Variants in HYDIN observed in about 807,000 individuals in gnomAD.
HYDIN encodes HYDIN axonemal central pair apparatus protein, also known as axonemal central pair apparatus protein HYDIN.
In HYDIN, 132 loss-of-function variants were observed where a neutral mutation model predicts 403.9. That is an observed-to-expected ratio of 0.33 (90% CI 0.28 to 0.38). HYDIN has a LOEUF of 0.38. HYDIN is among the 10% of genes least tolerant of loss of function. The pLI is 1.00. For synonymous variants in HYDIN, 1,202 were observed against 1,891.7 expected, an observed-to-expected ratio of 0.64 and a Z score of 9.46; for missense variants, 2,827 against 5,009.5, an observed-to-expected ratio of 0.56 and a Z score of 13.15.
At chr16:70,983,695 G>C (rs996278017) in intron 28 of HYDIN, among the ~76,000 whole-genome samples, 9 of 138,214 alleles carry the variant, frequency 6.5e-5, no homozygotes, top group Non-Finnish European at 1.2e-4. Context: ...CACTAAGTAG[G>C]AATTTAGAGG....
At chr16:71,110,545 C>T (rs1597800511) in intron 10 of HYDIN, among the ~76,000 whole-genome samples, 2 of 146,010 alleles carry the variant, frequency 1.4e-5, no homozygotes, top group South Asian at 2.1e-4. Flanking sequence ...CAAAACTATA[C>T]TATTTTGCTT....
At chr16:70,954,426 T>C (rs973895493) in intron 40 of HYDIN, among the ~76,000 whole-genome samples, 1 of 136,586 alleles carries the variant, frequency 7.3e-6, no homozygotes, top group Non-Finnish European at 1.6e-5. Flanking sequence ...GTACTCCAGC[T>C]TGGGTGACAG....
At chr16:70,825,281 C>T (rs1597051407) in intron 83 of HYDIN, among the ~76,000 whole-genome samples, 1 of 151,820 alleles carries the variant, frequency 6.6e-6, no homozygotes, top group African/African-American at 2.4e-5. Flanking sequence ...TCTTTCATCC[C>T]GGTTTTCTGA....
intron 1 of HYDIN, among the ~76,000 whole-genome samples, chr16:71,196,017 T>C (rs1161501802): frequency 6.6e-6 from 1 of 152,146 alleles, no homozygotes. Context: ...CAGAGAAAGG[T>C]ATGGTTGCAA....
In HYDIN at chr16:70,818,708, G is replaced by A. The variant is rs571161191; in HGVS notation, c.14428-136C>T. 207 of 571,760 alleles carry A rather than the reference G, an allele frequency of 3.6e-4. 1 individual carries two copies. In the African/African-American group the frequency reaches 3.7e-3, roughly 10 times the overall value. 35.4% of individuals were successfully genotyped at this position (571,760 alleles called of 1,614,324 possible). A position where few individuals can be genotyped will look rare whatever the true frequency, so the allele number is the denominator to read the frequency against. ...AGCACAGGTACCAGGCTGACAGGACGCTCGCAGCCTATCCGGATCCCTGCC... is the reference window on the plus strand; with the variant it reads ...AGCACAGGTACCAGGCTGACAGGACACTCGCAGCCTATCCGGATCCCTGCC... On this transcript the variant is annotated intron_variant, in intron 83 of 85. Transcript: ENST00000393567.
chr16:71,145,988 ACT>A (rs1288641131), intron 7 of HYDIN, among the ~76,000 whole-genome samples: 1 of 152,082 alleles, frequency 6.6e-6, no homozygotes, highest in Non-Finnish European at 1.5e-5. Flanking sequence ...TGAACTCAAA[ACT>A]CAACAAATAG....
intron 1 of HYDIN, among the ~76,000 whole-genome samples, chr16:71,209,538 C>A (rs1016686894): frequency 6.6e-6 from 1 of 151,754 alleles, no homozygotes; most frequent in South Asian, 2.1e-4. Flanking sequence ...CTGGCCAGAG[C>A]AATCAGGCAA....
intron 23 of HYDIN, among the ~76,000 whole-genome samples, chr16:71,002,724 C>T (rs2079760385): frequency 1.3e-5 from 2 of 149,240 alleles, no homozygotes; most frequent in Non-Finnish European, 3.0e-5. Flanking sequence ...ATTGCCCAGG[C>T]TGGAGTGCAG....
chr16:70,850,743 A>G (rs2038583068), intron 73 of HYDIN, 88 bp from the exon 74 acceptor site: 4 of 1,318,284 alleles, frequency 3.0e-6, no homozygotes, highest in Non-Finnish European at 4.2e-6. Context: ...TAGCAGATTC[A>G]CTACGAGGAA....
intron 2 of HYDIN, 138 bp from the exon 3 acceptor site, chr16:71,185,128 A>C: frequency 2.3e-6 from 1 of 434,772 alleles, no homozygotes; most frequent in Non-Finnish European, 3.9e-6. Flanking sequence ...CCCTTATAAA[A>C]TATTTAAAAT....
intron 7 of HYDIN, among the ~76,000 whole-genome samples, chr16:71,152,353 ATTAT>A (rs948428191): frequency 4.0e-5 from 6 of 151,156 alleles, no homozygotes; most frequent in African/African-American, 1.5e-4. Flanking sequence ...TGATTTTATT[ATTAT>A]TTATTTATTT....
At position 71,062,275 on chromosome 16, in the gene HYDIN, G is replaced by A; in HGVS notation, c.2270C>T (p.Ser757Phe). 3 of 1,553,516 alleles carry A rather than the reference G, an allele frequency of 1.9e-6. No homozygotes were observed. The highest frequency in any genetic ancestry group is 1.9e-5 in the Admixed American group (1 of 53,904). ...TGGTATGTGGATGGTGCTGCTTGGG[G>A]AGATGACCCCGCTGGGGGTGGGGCT... ...FSSPTPSGVI[S>F]PSSTIHIPLV... The change falls in exon 17 of 86, where the codon TCC (serine) becomes TTC (phenylalanine). Residue 757 changes from serine (S) to phenylalanine (F), a missense_variant. By Grantham distance (155) the Ser-to-Phe change is radical. Transcript: ENST00000393567.
At chr16:70,956,551 G>A (rs902024629) in intron 39 of HYDIN, among the ~76,000 whole-genome samples, 3 of 152,158 alleles carry the variant, frequency 2.0e-5, no homozygotes, top group African/African-American at 7.2e-5. Context: ...GGCACAATGG[G>A]TCCCCATGAG....
At chr16:71,066,318 A>T (rs1448003280) in intron 15 of HYDIN, among the ~76,000 whole-genome samples, 1 of 152,170 alleles carries the variant, frequency 6.6e-6, no homozygotes, top group African/African-American at 2.4e-5. Flanking sequence ...TCACAGTGGG[A>T]ACCCTAATTT....
In HYDIN at chr16:71,050,052, G is replaced by C. The variant is rs1339533662; in HGVS notation, c.2529+10452C>G. Among the ~76,000 whole-genome samples the C allele has an allele frequency of 3.3e-5, 5 of 149,502 alleles. No individual in the cohort carries two copies. The East Asian group carries it at 9.7e-4, about 29-fold the overall frequency. The stretch of plus-strand genomic sequence containing the variant: ...GGTGTGTGTGTGTGTGTGGGTGTGT[G>C]TGTGTGTGTTTTCTTAATGAAGGTA... On this transcript the variant is annotated intron_variant, in intron 18 of 85. Transcript: ENST00000393567.
intron 10 of HYDIN, among the ~76,000 whole-genome samples, chr16:71,114,304 G>A (rs1171526079): frequency 1.3e-4 from 19 of 150,170 alleles, no homozygotes; most frequent in Admixed American, 9.9e-4. Context: ...TTATTCAATG[G>A]ATTATAATAA....
intron 52 of HYDIN, among the ~76,000 whole-genome samples, chr16:70,902,811 A>T (rs1597272964): frequency 3.0e-5 from 1 of 33,406 alleles, no homozygotes. Flanking sequence ...ATATATATAT[A>T]TATATATATA....
intron 10 of HYDIN, among the ~76,000 whole-genome samples, chr16:71,098,176 C>T (rs1174244434): frequency 6.6e-6 from 1 of 150,930 alleles, no homozygotes; most frequent in African/African-American, 2.4e-5. Context: ...TGTGGCAATA[C>T]TCTAAACTAT....
intron 10 of HYDIN, among the ~76,000 whole-genome samples, chr16:71,098,778 A>G (rs2083366737): frequency 1.4e-5 from 2 of 148,098 alleles, no homozygotes; most frequent in Non-Finnish European, 3.0e-5. Context: ...GTAATAAAGC[A>G]GTGAGCCAAT....
Sources: gnomAD v4.1 joint callset for allele counts (sites outside exome capture counted in the v4.1 genomes callset) on GRCh38, gnomAD v4.1.1 for gene constraint, MANE v1.5 for transcripts, NCBI Gene and HGNC (gene_info 2026-07-23, HGNC 2026-07-21) for gene names.